Variants in KATNIP observed in about 807,000 individuals in gnomAD.
KATNIP encodes katanin interacting protein.
In KATNIP, 126 loss-of-function variants were observed where a neutral mutation model predicts 174.0. That is an observed-to-expected ratio of 0.72 (90% CI 0.63 to 0.84). The LOEUF is 0.84. KATNIP is among the 40% of genes least tolerant of loss of function. The pLI, the probability that KATNIP is intolerant of heterozygous loss-of-function variation, is 0.00. For missense variants in KATNIP, 1,958 were observed against 2,109.7 expected, an observed-to-expected ratio of 0.93 and a Z score of 1.41; for synonymous variants, 810 against 835.7, an observed-to-expected ratio of 0.97 and a Z score of 0.53.
At chr16:27,664,080 G>A (rs985714283) in intron 6 of KATNIP, among the ~76,000 whole-genome samples, 4 of 152,162 alleles carry the variant, frequency 2.6e-5, no homozygotes, top group Non-Finnish European at 2.9e-5. Context: ...CCAAAGTGCT[G>A]TAATTACAGG....
intron 8 of KATNIP, among the ~76,000 whole-genome samples, chr16:27,688,840 G>A (rs2078615775): frequency 6.6e-6 from 1 of 152,146 alleles, no homozygotes; most frequent in Non-Finnish European, 1.5e-5. Context: ...ATCCCCAGGT[G>A]AGAGAGACAG....
Position 27,749,769 on chromosome 16 carries a change from G to T in KATNIP, c.2809G>T (p.Asp937Tyr), listed in dbSNP as rs139603388. ...GCAGCAAAAGAGCAGCCGGCACAGCGACTTGCCCCCCTCCAAGAAGGGGGA... is the reference window on the plus strand; with the variant it reads ...GCAGCAAAAGAGCAGCCGGCACAGCTACTTGCCCCCCTCCAAGAAGGGGGA... ...LLQQKSSRHS[D>Y]LPPSKKGEQP... Residue 937 changes from aspartate to tyrosine, a missense_variant, in exon 16 of 28, where the codon GAC becomes TAC. Physicochemically the swap from Asp to Tyr is radical, Grantham distance 160. Around this residue, in one of 3 missense-constraint regions of KATNIP, gnomAD observed 1,557 missense variants for 1,617.8 expected, o/e 0.96. Coordinates refer to ENST00000261588, the MANE Select transcript of KATNIP (RefSeq NM_015202.5). 2.0e-3 allele frequency: 3,258 copies of T among 1,610,308 alleles called. 13 individuals are homozygous for T. Among genetic ancestry groups the T allele is most frequent in the Middle Eastern group, 0.012 (71 of 6,046 alleles).
At chr16:27,753,187 T>C (rs1292918124) in intron 17 of KATNIP, among the ~76,000 whole-genome samples, 6 of 151,980 alleles carry the variant, frequency 3.9e-5, no homozygotes, top group Non-Finnish European at 7.4e-5. Context: ...GCAAGCCCAT[T>C]GTTGCCAGTT....
chr16:27,553,358 A>G (rs1445288861), intron 1 of KATNIP, among the ~76,000 whole-genome samples: 1 of 152,240 alleles, frequency 6.6e-6, no homozygotes, highest in Non-Finnish European at 1.5e-5. Flanking sequence ...TAACATTGGC[A>G]GCAAATATTG....
intron 2 of KATNIP, among the ~76,000 whole-genome samples, chr16:27,607,926 T>G (rs1747623737): frequency 6.6e-6 from 1 of 152,268 alleles, no homozygotes; most frequent in East Asian, 1.9e-4. Context: ...ATGGTCTCAG[T>G]GTTATCCCGT....
At chr16:27,584,831 A>T (rs2090832315) in intron 2 of KATNIP, among the ~76,000 whole-genome samples, 1 of 151,860 alleles carries the variant, frequency 6.6e-6, no homozygotes, top group South Asian at 2.1e-4. Flanking sequence ...TGTCTTGTTG[A>T]CTCTTCACAA....
intron 2 of KATNIP, among the ~76,000 whole-genome samples, chr16:27,600,556 T>G (rs1476922639): frequency 6.6e-6 from 1 of 152,026 alleles, no homozygotes; most frequent in Non-Finnish European, 1.5e-5. Context: ...TCTCCTGGCA[T>G]CTGCTTTTAC....
chr16:27,760,781 C>T (rs527569009), intron 18 of KATNIP, among the ~76,000 whole-genome samples: 122 of 152,204 alleles, frequency 8.0e-4, no homozygotes, highest in Middle Eastern at 3.4e-3. Flanking sequence ...CAAGATCACG[C>T]GATTACAGCA....
chr16:27,746,389 G>A (rs573133119), intron 15 of KATNIP, among the ~76,000 whole-genome samples: 2 of 152,186 alleles, frequency 1.3e-5, no homozygotes, highest in Non-Finnish European at 2.9e-5. Flanking sequence ...TAAGCCTCGT[G>A]CCTGAGGGGA....
intron 1 of KATNIP, among the ~76,000 whole-genome samples, chr16:27,565,215 C>T (rs1246611382): frequency 2.0e-5 from 3 of 151,208 alleles, no homozygotes; most frequent in Non-Finnish European, 2.9e-5. Context: ...CCTGTAATCC[C>T]AGCATTTTGG....
chr16:27,717,992 C>G (rs1314831260), intron 13 of KATNIP, among the ~76,000 whole-genome samples: 1 of 152,154 alleles, frequency 6.6e-6, no homozygotes, highest in African/African-American at 2.4e-5. Context: ...AGCCACCTTC[C>G]CTGCCTTGTC....
chr16:27,687,943 C>G (rs182582099), intron 8 of KATNIP, among the ~76,000 whole-genome samples: 2 of 152,178 alleles, frequency 1.3e-5, no homozygotes, highest in African/African-American at 2.4e-5. Context: ...AAACCCTAAT[C>G]AGCCCAAGCA....
intron 14 of KATNIP, among the ~76,000 whole-genome samples, 185 bp downstream of exon 14, chr16:27,721,880 C>T (rs1046805957): frequency 9.2e-5 from 14 of 152,174 alleles, no homozygotes; most frequent in Non-Finnish European, 8.8e-5. Flanking sequence ...ACAGAGCTTC[C>T]GGCTGCTGGT....
intron 1 of KATNIP, among the ~76,000 whole-genome samples, chr16:27,569,129 T>C (rs1489544842): frequency 6.6e-6 from 1 of 152,244 alleles, no homozygotes; most frequent in Non-Finnish European, 1.5e-5. Flanking sequence ...TAAAAAGCTA[T>C]GTCCTGTAGA....
At chr16:27,559,218 A>G (rs1297802316) in intron 1 of KATNIP, among the ~76,000 whole-genome samples, 2 of 152,324 alleles carry the variant, frequency 1.3e-5, no homozygotes, top group South Asian at 4.1e-4. Flanking sequence ...GGGGCTTTGC[A>G]GCTTTAACAA....
chr16:27,773,789 T>C (rs964416032), intron 23 of KATNIP, among the ~76,000 whole-genome samples: 4 of 152,118 alleles, frequency 2.6e-5, no homozygotes, highest in Admixed American at 1.3e-4. Flanking sequence ...TCTGTTGCCA[T>C]TTCTCCCCAA....
intron 14 of KATNIP, among the ~76,000 whole-genome samples, chr16:27,728,698 G>T (rs559836663): frequency 6.6e-6 from 1 of 152,312 alleles, no homozygotes; most frequent in African/African-American, 2.4e-5. Flanking sequence ...CCAAAGTGCT[G>T]GGATTTACAG....
intron 1 of KATNIP, among the ~76,000 whole-genome samples, chr16:27,567,232 T>C (rs1567442866): frequency 1.3e-5 from 2 of 152,222 alleles, no homozygotes; most frequent in South Asian, 4.1e-4. Flanking sequence ...GCATTTCTCA[T>C]TATGTTATGT....
intron 1 of KATNIP, among the ~76,000 whole-genome samples, chr16:27,560,468 C>G (rs902232163): frequency 1.1e-4 from 16 of 152,108 alleles, no homozygotes; most frequent in Non-Finnish European, 2.2e-4. Flanking sequence ...CTGGTGTTAC[C>G]TGTCATCTGG....
Sources: allele counts gnomAD v4.1 joint callset (sites outside exome capture counted in the v4.1 genomes callset), GRCh38; gene constraint gnomAD v4.1.1; regional missense constraint gnomAD v4.1.1; transcripts MANE v1.5; gene names NCBI Gene and HGNC (gene_info 2026-07-23, HGNC 2026-07-21).